Variants in SLC46A3 observed in about 807,000 individuals in gnomAD.
SLC46A3 encodes solute carrier family 46 member 3.
In SLC46A3, 26 loss-of-function variants were observed where a neutral mutation model predicts 38.5. That is an observed-to-expected ratio of 0.68 (90% confidence interval 0.49 to 0.94). The LOEUF (loss-of-function observed/expected upper bound fraction) is 0.94. Ranked by LOEUF, SLC46A3 falls within the 40% of genes least tolerant of loss-of-function variation. The pLI, the probability that SLC46A3 is intolerant of heterozygous loss-of-function variation, is 0.00. For missense variants in SLC46A3, 510 were observed against 544.3 expected, an observed-to-expected ratio of 0.94 and a Z score of 0.63; for synonymous variants, 185 against 192.5, an observed-to-expected ratio of 0.96 and a Z score of 0.32.
Position 28,717,888 on chromosome 13 carries a change from G to A in SLC46A3, c.111C>T (p.Gly37=). 1 of 1,613,996 alleles carries A rather than the reference G, an allele frequency of 6.2e-7. No individual in the cohort carries two copies. The highest frequency in any genetic ancestry group is 1.3e-5 in the African/African-American group (1 of 74,990). The change falls in exon 2 of 6, where the codon GGC becomes GGT. Residue 37 remains glycine, a synonymous_variant. Coordinates refer to ENST00000266943, the MANE Select transcript of SLC46A3 (RefSeq NM_181785.4). The part of the protein sequence containing the change: ...YVYRRIWEET[G]NYTFSSDSNI... ...TGCTATCAGATGAAAAAGTGTAGTTGCCAGTTTCTTCCCATATTCTCCGAT... is the reference window on the plus strand; with the variant it reads ...TGCTATCAGATGAAAAAGTGTAGTTACCAGTTTCTTCCCATATTCTCCGAT...
intron 4 of SLC46A3, among the ~76,000 whole-genome samples, chr13:28,706,511 G>T (rs910776936): frequency 1.3e-5 from 2 of 152,272 alleles, no homozygotes; most frequent in East Asian, 3.9e-4. Context: ...TTCAAAATAA[G>T]AAATGCCAAA....
At chr13:28,705,292 T>C (rs1885143050) in intron 4 of SLC46A3, among the ~76,000 whole-genome samples, 1 of 152,212 alleles carries the variant, frequency 6.6e-6, no homozygotes. Flanking sequence ...AATAATTGTG[T>C]TTGCTTGGAC....
rs371823688 is a variant in SLC46A3, at chr13:28,717,848, C to T, written c.151G>A (p.Glu51Lys). 1.5e-5 allele frequency: 24 copies of T among 1,612,504 alleles called. No homozygotes were observed. Among genetic ancestry groups the T allele is most frequent in the Non-Finnish European group, 1.9e-5 (22 of 1,179,610 alleles). The change falls in exon 2 of 6, where the codon GAA becomes AAA. Residue 51 changes from glutamate (E) to lysine (K), a missense_variant. Glu to Lys is a moderately conservative substitution (Grantham distance 56). Transcript: ENST00000266943. The stretch of plus-strand genomic sequence containing the variant: ...AAAATTGGGCTGCTTTTGTTTTTTT[C>T]ACACTCAGAAATATTGCTATCAGAT... ...FSSDSNISEC[E>K]KNKSSPIFAF...
chr13:28,710,833 C>G lies in SLC46A3; in HGVS notation c.1071G>C (p.Pro357=). Residue 357 remains proline (P), a synonymous_variant, in exon 4 of 6, where the codon CCG becomes CCC. Coordinates refer to ENST00000266943, the MANE Select transcript of SLC46A3 (RefSeq NM_181785.4). ...AGAATGGCACAATAGTGAAAAGGAA[C>G]GGCACCCTGGCTGTGAGAGAAAGGA... ...TTLMMFLARV[P]FLFTIVPFSV... 1 of 1,613,282 alleles carries G rather than the reference C, an allele frequency of 6.2e-7. No individual in the cohort carries two copies. Among genetic ancestry groups the G allele is most frequent in the Non-Finnish European group, 8.5e-7 (1 of 1,179,618 alleles).
At chr13:28,713,578 T>G in intron 2 of SLC46A3, 28 bp from the exon 3 acceptor site, 1 of 1,578,464 alleles carries the variant, frequency 6.3e-7, no homozygotes, top group Non-Finnish European at 8.6e-7. Flanking sequence ...GAAGACAATG[T>G]GTTTACAGTA....
At position 28,700,851 on chromosome 13, in the gene SLC46A3, C is replaced by A; in HGVS notation, c.*646G>T. On this transcript the variant is annotated 3_prime_UTR_variant, in exon 6 of 6. Transcript: ENST00000266943. ...AAATACATATTCTTTAAAGTGCCTCCCTTTTAAGGATTTTGTATCAACAAA... is the reference window on the plus strand; with the variant it reads ...AAATACATATTCTTTAAAGTGCCTCACTTTTAAGGATTTTGTATCAACAAA... 1 of 910,438 alleles carries A rather than the reference C, an allele frequency of 1.1e-6. No individual in the cohort carries two copies. Among genetic ancestry groups the A allele is most frequent in the Non-Finnish European group, 1.7e-6 (1 of 605,450 alleles). The allele number at this position is 910,438 out of a possible 1,614,324, so 56.4% of individuals were successfully genotyped here.
intron 5 of SLC46A3, 31 bp downstream of exon 5, chr13:28,703,912 T>G: frequency 6.4e-7 from 1 of 1,567,314 alleles, no homozygotes; most frequent in Admixed American, 1.8e-5. Context: ...CCATATACCC[T>G]CTGATAAAAT....
chr13:28,707,373 G>C (rs1436826958), intron 4 of SLC46A3, among the ~76,000 whole-genome samples: 1 of 141,300 alleles, frequency 7.1e-6, no homozygotes, highest in Non-Finnish European at 1.5e-5. Flanking sequence ...ACACAGGAAG[G>C]GGAACATCAC....
intron 3 of SLC46A3, among the ~76,000 whole-genome samples, chr13:28,712,250 C>A (rs1399443813): frequency 6.6e-6 from 1 of 152,130 alleles, no homozygotes; most frequent in Non-Finnish European, 1.5e-5. Flanking sequence ...TTTGCAAAAC[C>A]TGTCTTTAAA....
chr13:28,711,917 A>C (rs1401133504), intron 3 of SLC46A3, among the ~76,000 whole-genome samples: 2 of 152,230 alleles, frequency 1.3e-5, no homozygotes, highest in African/African-American at 4.8e-5. Context: ...CCCATTTTAC[A>C]GATGAGAAAA....
In SLC46A3 at chr13:28,710,742, T is replaced by C. The variant is rs1048342948; in HGVS notation, c.1144+18A>G. On this transcript the variant is annotated intron_variant, in intron 4 of 5. Transcript: ENST00000266943. The stretch of plus-strand genomic sequence containing the variant: ...GTAAAGATGGTAGATTCATATTTCT[T>C]AAGCAAATTAAACTCACCTTGTTCA... 4 of 1,577,482 alleles carry C rather than the reference T, an allele frequency of 2.5e-6. No individual in the cohort carries two copies. Among genetic ancestry groups the C allele is most frequent in the Non-Finnish European group, 3.5e-6 (4 of 1,148,910 alleles).
At chr13:28,708,707 C>T (rs1414933987) in intron 4 of SLC46A3, among the ~76,000 whole-genome samples, 2 of 151,186 alleles carry the variant, frequency 1.3e-5, no homozygotes, top group South Asian at 2.1e-4. Flanking sequence ...GTCATCCACC[C>T]GCTTTGGCCT....
At chr13:28,710,885 G>A (rs751246061) in intron 3 of SLC46A3, 42 bp from the exon 4 acceptor site, 1 of 1,416,378 alleles carries the variant, frequency 7.1e-7, no homozygotes, top group Non-Finnish European at 9.9e-7. Flanking sequence ...GATTCTGAAA[G>A]CTAATGGCCA....
intron 4 of SLC46A3, among the ~76,000 whole-genome samples, chr13:28,707,649 A>G (rs1885217023): frequency 1.3e-5 from 2 of 152,324 alleles, no homozygotes; most frequent in Admixed American, 1.3e-4. Context: ...CTCTAAGTCA[A>G]AGCAGGTAAA....
chr13:28,704,271 A>C, intron 4 of SLC46A3, 172 bp from the exon 5 acceptor site: 1 of 608,792 alleles, frequency 1.6e-6, no homozygotes, highest in South Asian at 2.2e-5. Flanking sequence ...TCAGCAGCCC[A>C]TTCTGCAGCT....
In SLC46A3 at chr13:28,700,161, C is replaced by T. The variant is rs1485727405; in HGVS notation, c.*1336G>A. On this transcript the variant is annotated 3_prime_UTR_variant, in exon 6 of 6. Transcript: ENST00000266943. ...ACTCAAGGCGATGATTGTCAGGTAG[C>T]AGAAACAATTACAAGTCGATGGAAA... 3 of 152,114 alleles carry T rather than the reference C, an allele frequency of 2.0e-5. No homozygotes were observed. The allele number at this position is 152,114 out of a possible 1,614,324, so 9.4% of individuals were successfully genotyped here.
chr13:28,716,580 G>T (rs775776892), intron 2 of SLC46A3, among the ~76,000 whole-genome samples: 2 of 152,036 alleles, frequency 1.3e-5, no homozygotes, highest in African/African-American at 2.4e-5. Context: ...AGATAAGACC[G>T]CTGGGTGAGA....
At chr13:28,710,678 C>A in intron 4 of SLC46A3, 82 bp downstream of exon 4, 1 of 1,058,780 alleles carries the variant, frequency 9.4e-7, no homozygotes, top group South Asian at 1.4e-5. Flanking sequence ...GTAGAATATT[C>A]TGAAGCATTA....
At position 28,718,211 on chromosome 13, in the gene SLC46A3, G is replaced by T. The variant is rs115839740; in HGVS notation, c.-24-189C>A. 6.7e-3 allele frequency among the ~76,000 whole-genome samples: 1,023 copies of T among 152,292 alleles called. 7 individuals carry two copies. The highest frequency in any genetic ancestry group is 0.023 in the African/African-American group (969 of 41,560). The stretch of plus-strand genomic sequence containing the variant: ...AGTAGAGTACTCTGTAACAACCTGA[G>T]GCTGCCATGCTTTCCATTTTTATGA... On this transcript the variant is annotated intron_variant, in intron 1 of 5. Coordinates refer to ENST00000266943, the MANE Select transcript of SLC46A3 (RefSeq NM_181785.4).
Sources: gnomAD v4.1 joint callset for allele counts (sites outside exome capture counted in the v4.1 genomes callset) on GRCh38, gnomAD v4.1.1 for gene constraint, MANE v1.5 for transcripts, NCBI Gene and HGNC (gene_info 2026-07-23, HGNC 2026-07-21) for gene names.